The following IL1RAPL1 variants were observed in gnomAD, a reference collection of about 807,000 sequenced individuals.
The protein encoded by IL1RAPL1 is interleukin-1 receptor accessory protein-like 1.
IL1RAPL1 carries 3 observed loss-of-function variants against 48.4 expected under a neutral mutation model. The observed-to-expected ratio is 0.06, with a 90% confidence interval of 0.03 to 0.16. IL1RAPL1 has a LOEUF of 0.16. Ranked by LOEUF, IL1RAPL1 falls within the 10% of genes least tolerant of loss-of-function variation. The pLI is 1.00. For synonymous variants in IL1RAPL1, 185 were observed against 187.7 expected (o/e 0.99, Z 0.12); for missense variants, 349 against 530.6 (o/e 0.66, Z 3.36).
chrX:28,723,130 C>T (rs1253514573), intron 1 of IL1RAPL1, among the ~76,000 whole-genome samples: 4 of 111,587 alleles, frequency 3.6e-5, no homozygotes, highest in African/African-American at 9.8e-5. Context: ...GGAGGATTCC[C>T]TCTTTTTCTA....
chrX:29,752,614 A>G (rs1048815532), intron 6 of IL1RAPL1, among the ~76,000 whole-genome samples: 1 of 111,297 alleles, frequency 9.0e-6, no homozygotes, highest in Non-Finnish European at 1.9e-5. Flanking sequence ...CTTTGAGAAT[A>G]CTTGAATGAA....
At chrX:29,954,750 TC>T in intron 10 of IL1RAPL1, 58 bp downstream of exon 10, 3 of 958,223 alleles carry the variant, frequency 3.1e-6, no homozygotes, top group Non-Finnish European at 4.5e-6. Context: ...TGTGTAGTCA[TC>T]ACTTTTTCAT....
chrX:29,247,672 C>T (rs1364370637), intron 2 of IL1RAPL1, among the ~76,000 whole-genome samples: 1 of 111,248 alleles, frequency 9.0e-6, no homozygotes, highest in African/African-American at 3.3e-5. Flanking sequence ...ATCCCAGCTA[C>T]TCAGGAGGCT....
At chrX:29,620,273 G>A (rs540607882) in intron 5 of IL1RAPL1, among the ~76,000 whole-genome samples, 8 of 111,892 alleles carry the variant, frequency 7.1e-5, no homozygotes, top group African/African-American at 2.6e-4. Context: ...TGAAGAATGC[G>A]TCGTTCAGCA....
intron 1 of IL1RAPL1, among the ~76,000 whole-genome samples, chrX:28,645,347 CAAAAAAAA>C (rs35814453): frequency 3.4e-5 from 1 of 29,054 alleles, no homozygotes; most frequent in Non-Finnish European, 6.0e-5. Flanking sequence ...AATTCCGCCT[CAAAAAAAA>C]AAAAAAAAAA....
Position 29,802,781 on chromosome X carries a change from A to ATG in IL1RAPL1, c.779-114673_779-114672dup, listed in dbSNP as rs1262811121. On this transcript the variant is annotated intron_variant, in intron 6 of 10. Coordinates refer to ENST00000378993, the MANE Select transcript of IL1RAPL1 (RefSeq NM_014271.4). ...TATATATATATATATATATATATAT[A>ATG]TGTGTGTGTGTATATATATATATAT... Among the ~76,000 whole-genome samples, 49 of 32,620 alleles carry ATG rather than the reference A, an allele frequency of 1.5e-3. 1 individual carries two copies. The highest frequency in any genetic ancestry group is 2.1e-3 in the Non-Finnish European group (42 of 19,983). The allele number at this position is 32,620 out of a possible 115,157, so 28.3% of individuals were successfully genotyped here.
intron 2 of IL1RAPL1, among the ~76,000 whole-genome samples, chrX:29,032,821 G>T (rs73454742): frequency 0.027 from 2,972 of 112,023 alleles, 85 homozygotes; most frequent in African/African-American, 0.092. Flanking sequence ...TTGAATTGCG[G>T]GTCTGCCACT....
chrX:29,864,408 C>T (rs1003358130), intron 6 of IL1RAPL1, among the ~76,000 whole-genome samples: 3 of 111,772 alleles, frequency 2.7e-5, no homozygotes, highest in Admixed American at 9.5e-5. Flanking sequence ...CTCTTTATCT[C>T]GGAGCTACAA....
At chrX:28,797,663 A>T (rs1936629264) in intron 2 of IL1RAPL1, among the ~76,000 whole-genome samples, 1 of 111,741 alleles carries the variant, frequency 8.9e-6, no homozygotes, top group Admixed American at 9.5e-5. Flanking sequence ...TTTTTGTCAA[A>T]GTCATTCAGC....
At chrX:29,761,392 A>G (rs1175905481) in intron 6 of IL1RAPL1, among the ~76,000 whole-genome samples, 1 of 111,765 alleles carries the variant, frequency 8.9e-6, no homozygotes, top group African/African-American at 3.2e-5. Flanking sequence ...AAGGTAAAGA[A>G]AACAATTTGG....
chrX:29,490,409 A>G (rs779553408), intron 5 of IL1RAPL1, among the ~76,000 whole-genome samples: 36 of 110,324 alleles, frequency 3.3e-4, no homozygotes, highest in Non-Finnish European at 5.1e-4. Flanking sequence ...GACACATGCC[A>G]GTAATCCCAG....
intron 2 of IL1RAPL1, among the ~76,000 whole-genome samples, chrX:28,815,839 G>GTATGTGTGTGTGTA (rs1467095474): frequency 1.4e-4 from 4 of 29,105 alleles, no homozygotes; most frequent in African/African-American, 3.5e-4. Flanking sequence ...GTGTGTTTAT[G>GTATGTGTGTGTGTA]TATATATATA....
intron 5 of IL1RAPL1, among the ~76,000 whole-genome samples, chrX:29,544,049 A>G (rs1298522570): frequency 8.9e-6 from 1 of 112,171 alleles, no homozygotes; most frequent in East Asian, 2.8e-4. Flanking sequence ...TTATAGTTAC[A>G]TAGATATTTT....
At chrX:29,197,010 G>A (rs1447340694) in intron 2 of IL1RAPL1, among the ~76,000 whole-genome samples, 2 of 110,091 alleles carry the variant, frequency 1.8e-5, no homozygotes, top group Admixed American at 9.9e-5. Flanking sequence ...TTTTCTTTTA[G>A]ATACGATTTT....
At chrX:28,954,812 G>A (rs1469076213) in intron 2 of IL1RAPL1, among the ~76,000 whole-genome samples, 3 of 111,608 alleles carry the variant, frequency 2.7e-5, no homozygotes, top group Non-Finnish European at 3.8e-5. Context: ...AACAAGTGAA[G>A]TTAGAAGTGA....
intron 2 of IL1RAPL1, among the ~76,000 whole-genome samples, chrX:29,221,356 A>G (rs904873097): frequency 9.0e-6 from 1 of 111,269 alleles, no homozygotes; most frequent in Non-Finnish European, 1.9e-5. Context: ...CCAAAGATCA[A>G]TGGAATGAAG....
At chrX:29,742,968 C>T (rs1477633997) in intron 6 of IL1RAPL1, among the ~76,000 whole-genome samples, 1 of 110,349 alleles carries the variant, frequency 9.1e-6, no homozygotes, top group Non-Finnish European at 1.9e-5. Flanking sequence ...TTGAGAAAAT[C>T]AGCTAACCTC....
chrX:29,277,491 A>G (rs1569275403), intron 2 of IL1RAPL1, among the ~76,000 whole-genome samples: 1 of 112,302 alleles, frequency 8.9e-6, no homozygotes, highest in Non-Finnish European at 1.9e-5. Flanking sequence ...TTGTTCACAT[A>G]TAGACACATA....
intron 1 of IL1RAPL1, among the ~76,000 whole-genome samples, chrX:28,679,371 T>C (rs1935032588): frequency 3.6e-5 from 4 of 112,041 alleles, no homozygotes; most frequent in Non-Finnish European, 7.5e-5. Flanking sequence ...ATTAGTTATA[T>C]AGTTTGCACA....
Sources: allele counts gnomAD v4.1 joint callset (sites outside exome capture counted in the v4.1 genomes callset), GRCh38; gene constraint gnomAD v4.1.1; transcripts MANE v1.5; gene names NCBI Gene and HGNC (gene_info 2026-07-23, HGNC 2026-07-21).